The following RGS21 variants were observed in gnomAD, a reference collection of about 807,000 sequenced individuals.
RGS21 encodes regulator of G-protein signalling 21.
RGS21 carries 19 observed loss-of-function variants against 18.7 expected under a neutral mutation model. The observed-to-expected ratio is 1.01, with a 90% CI of 0.71 to 1.49. RGS21 has a LOEUF of 1.49. RGS21 is among the 40% of genes most tolerant of loss of function. The pLI is 0.00. For synonymous variants in RGS21, 56 were observed against 57.8 expected, an observed-to-expected ratio of 0.97 and a Z score of 0.14; for missense variants, 194 against 176.8, an observed-to-expected ratio of 1.10 and a Z score of -0.55.
At chr1:192,352,484 A>G (rs985314415) in intron 4 of RGS21, among the ~76,000 whole-genome samples, 4 of 152,072 alleles carry the variant, frequency 2.6e-5, no homozygotes, top group African/African-American at 9.7e-5. Context: ...AACGTCTAAT[A>G]TCTCAAACAG....
intron 1 of RGS21, among the ~76,000 whole-genome samples, chr1:192,319,641 T>C (rs552707200): frequency 7.6e-4 from 115 of 152,262 alleles, no homozygotes; most frequent in African/African-American, 2.6e-3. Flanking sequence ...AGTAAACTTC[T>C]GAATCTGCCA....
In RGS21 at chr1:192,366,075, T is replaced by C. The variant is rs1019430794; in HGVS notation, c.410T>C (p.Val137Ala). 1.6e-5 allele frequency: 25 copies of C among 1,611,872 alleles called. No homozygotes were observed. Among genetic ancestry groups the C allele is most frequent in the Middle Eastern group, 1.7e-4 (1 of 6,042 alleles). ...AAGTCAGAGATTTATAAAAAACTGGTAAATAGCCAACAGGTTCCAAATCAT... is the reference window on the plus strand; with the variant it reads ...AAGTCAGAGATTTATAAAAAACTGGCAAATAGCCAACAGGTTCCAAATCAT... Reference protein sequence around the residue: ...FLKSEIYKKLVNSQQVPNHKK... With the variant: ...FLKSEIYKKLANSQQVPNHKK... Residue 137 changes from valine to alanine, a missense_variant, in exon 5 of 5, where the codon GTA becomes GCA. By Grantham distance (64) the Val-to-Ala change is moderately conservative. Coordinates refer to ENST00000417209, the MANE Select transcript of RGS21 (RefSeq NM_001039152.3).
chr1:192,346,138 A>C (rs1658941609), intron 2 of RGS21, among the ~76,000 whole-genome samples: 1 of 152,072 alleles, frequency 6.6e-6, no homozygotes, highest in East Asian at 1.9e-4. Context: ...AGTAATGGAA[A>C]ATAGTAAAAT....
chr1:192,326,134 C>T (rs558804041), intron 1 of RGS21, among the ~76,000 whole-genome samples: 1 of 151,938 alleles, frequency 6.6e-6, no homozygotes, highest in African/African-American at 2.4e-5. Context: ...TCTCTATGGA[C>T]TAACAAATCT....
chr1:192,364,442 ATTC>A (rs1410901490), intron 4 of RGS21, among the ~76,000 whole-genome samples: 1 of 152,076 alleles, frequency 6.6e-6, no homozygotes, highest in East Asian at 1.9e-4. Context: ...ATAGTTTGGT[ATTC>A]TTGTGTCATT....
At chr1:192,330,345 T>C (rs1249282316) in intron 1 of RGS21, among the ~76,000 whole-genome samples, 6 of 152,254 alleles carry the variant, frequency 3.9e-5, no homozygotes, top group Admixed American at 1.3e-4. Flanking sequence ...CAGAGGGAGT[T>C]TGAAATATGG....
chr1:192,325,912 T>G (rs1043272778), intron 1 of RGS21, among the ~76,000 whole-genome samples: 13 of 152,102 alleles, frequency 8.5e-5, no homozygotes, highest in Non-Finnish European at 1.5e-4. Flanking sequence ...AATAAAATTT[T>G]TATTTGATTA....
At chr1:192,335,351 C>T (rs1658752381) in intron 1 of RGS21, among the ~76,000 whole-genome samples, 1 of 152,126 alleles carries the variant, frequency 6.6e-6, no homozygotes, top group Non-Finnish European at 1.5e-5. Context: ...CTCTTTAAAG[C>T]TAGTATGCAG....
intron 2 of RGS21, among the ~76,000 whole-genome samples, chr1:192,344,829 G>T (rs1360069993): frequency 6.6e-6 from 1 of 152,026 alleles, no homozygotes; most frequent in Non-Finnish European, 1.5e-5. Flanking sequence ...CACCAGCAGA[G>T]GTACTCCTTC....
chr1:192,359,144 T>G (rs1361411089), intron 4 of RGS21, among the ~76,000 whole-genome samples: 1 of 152,068 alleles, frequency 6.6e-6, no homozygotes, highest in African/African-American at 2.4e-5. Flanking sequence ...TTATGACCTT[T>G]TGAAAAATAA....
intron 1 of RGS21, among the ~76,000 whole-genome samples, chr1:192,327,620 G>A (rs752060674): frequency 9.9e-5 from 15 of 151,986 alleles, no homozygotes; most frequent in Non-Finnish European, 1.8e-4. Context: ...TTACAGGCAT[G>A]TGCCACCACA....
chr1:192,351,259 C>G (rs868227691), intron 3 of RGS21, among the ~76,000 whole-genome samples: 1 of 152,064 alleles, frequency 6.6e-6, no homozygotes, highest in African/African-American at 2.4e-5. Context: ...TTGCTTATCG[C>G]CACATAAAGG....
intron 4 of RGS21, among the ~76,000 whole-genome samples, chr1:192,355,336 A>G (rs1659096061): frequency 6.6e-6 from 1 of 151,742 alleles, no homozygotes; most frequent in African/African-American, 2.4e-5. Flanking sequence ...ACAAGTCACG[A>G]TAAGTGCTAT....
At chr1:192,343,685 A>G (rs934152473) in intron 2 of RGS21, among the ~76,000 whole-genome samples, 3 of 152,134 alleles carry the variant, frequency 2.0e-5, no homozygotes, top group African/African-American at 7.2e-5. Context: ...ATCAGCCAAA[A>G]CCGCATGAAA....
At chr1:192,335,480 T>C (rs1435738904) in intron 1 of RGS21, among the ~76,000 whole-genome samples, 1 of 152,224 alleles carries the variant, frequency 6.6e-6, no homozygotes, top group African/African-American at 2.4e-5. Context: ...TTTTACGTAT[T>C]GTTTTTCTAC....
At position 192,336,812 on chromosome 1, in the gene RGS21, C is replaced by T. The variant is rs149956255; in HGVS notation, c.-60-6165C>T. On this transcript the variant is annotated intron_variant, in intron 1 of 4. Transcript: ENST00000417209. ...TGATATGAAAGCAAACTGACCATGC[C>T]GGGGGAGATACCTGGTCATGAAGAA... Among the ~76,000 whole-genome samples the T allele has an allele frequency of 1.5e-4, 23 of 151,642 alleles. No homozygotes were observed. In the East Asian group the frequency reaches 3.3e-3, roughly 22 times the overall value.
intron 3 of RGS21, among the ~76,000 whole-genome samples, chr1:192,348,060 C>G (rs544682941): frequency 2.3e-4 from 34 of 150,860 alleles, no homozygotes; most frequent in African/African-American, 7.8e-4. Flanking sequence ...GCTTTACCAC[C>G]CAGACTGGAG....
At position 192,347,328 on chromosome 1, in the gene RGS21, G is replaced by A. The variant is rs561133509; in HGVS notation, c.27G>A (p.Arg9=). ...TCAAGGTTAGATGCTGTTTCTACAG[G>A]TCACCAACTGCGGAAACAATGACAT... MPVKCCFY[R]SPTAETMTWS... is the part of the protein sequence containing the mutation. Residue 9 remains arginine, a synonymous_variant, in exon 3 of 5, where the codon AGG becomes AGA. Transcript: ENST00000417209. 9 of 1,605,686 alleles carry A rather than the reference G, an allele frequency of 5.6e-6. No homozygotes were observed. The South Asian group carries it at 1.0e-4, about 18-fold the overall frequency.
chr1:192,356,449 T>C (rs977607625), intron 4 of RGS21, among the ~76,000 whole-genome samples: 5 of 151,716 alleles, frequency 3.3e-5, no homozygotes, highest in African/African-American at 1.2e-4. Flanking sequence ...TTCAATACAG[T>C]TGGGTTAAAA....
Sources: gnomAD v4.1 joint callset for allele counts (sites outside exome capture counted in the v4.1 genomes callset) on GRCh38, gnomAD v4.1.1 for gene constraint, MANE v1.5 for transcripts, NCBI Gene and HGNC (gene_info 2026-07-23, HGNC 2026-07-21) for gene names.